MYO7B: variants seen among roughly 807,000 people sequenced by gnomAD.
The protein encoded by MYO7B is unconventional myosin-VIIb.
MYO7B carries 212 observed loss-of-function variants against 259.7 expected under a neutral mutation model. The observed-to-expected ratio is 0.82, with a 90% CI of 0.73 to 0.91. The LOEUF is 0.91. Among genes scored for constraint, MYO7B ranks in the 40% least tolerant of loss-of-function variants. The probability of loss-of-function intolerance (pLI) is 0.00; values close to 1 mark genes in which losing one functional copy is unlikely to be tolerated. For synonymous variants in MYO7B, 1,197 were observed against 1,166.4 expected (o/e 1.03, Z -0.54); for missense variants, 2,732 against 2,813.5 (o/e 0.97, Z 0.66).
chr2:127,587,233 C>G (rs1679337873), intron 14 of MYO7B, among the ~76,000 whole-genome samples: 1 of 152,192 alleles, frequency 6.6e-6, no homozygotes, highest in South Asian at 2.1e-4. Context: ...ATCTTCAGTG[C>G]CTTCTCAGTG....
chr2:127,570,028 T>C, intron 6 of MYO7B, 118 bp downstream of exon 6: 2 of 1,271,912 alleles, frequency 1.6e-6, no homozygotes, highest in Admixed American at 2.9e-5. Flanking sequence ...CTCCAGACCC[T>C]TGGGACACAA....
At chr2:127,587,826 C>T (rs967315723) in intron 14 of MYO7B, among the ~76,000 whole-genome samples, 2 of 152,026 alleles carry the variant, frequency 1.3e-5, no homozygotes, top group African/African-American at 2.4e-5. Flanking sequence ...CTCAGCCTCC[C>T]AAAGTGCTGG....
At chr2:127,561,081 G>T (rs571176800) in intron 2 of MYO7B, among the ~76,000 whole-genome samples, 1 of 152,240 alleles carries the variant, frequency 6.6e-6, no homozygotes, top group East Asian at 1.9e-4. Context: ...GCATGATGTG[G>T]TTTTAAGACA....
intron 2 of MYO7B, among the ~76,000 whole-genome samples, chr2:127,562,495 T>G (rs552348435): frequency 7.8e-5 from 11 of 141,276 alleles, no homozygotes; most frequent in East Asian, 4.1e-4. Flanking sequence ...TTTTTTTTTT[T>G]TTTTTTTTTT....
At chr2:127,563,814 T>C (rs776832586) in intron 2 of MYO7B, among the ~76,000 whole-genome samples, 4 of 152,204 alleles carry the variant, frequency 2.6e-5, no homozygotes, top group Non-Finnish European at 5.9e-5. Flanking sequence ...TGAGAAGCAC[T>C]TTCTCTCTTA....
At chr2:127,538,562 G>A (rs1408662763) in intron 1 of MYO7B, among the ~76,000 whole-genome samples, 3 of 151,492 alleles carry the variant, frequency 2.0e-5, no homozygotes, top group African/African-American at 4.9e-5. Flanking sequence ...TTCAAATCTT[G>A]TTTCTTTCTT....
chr2:127,553,947 G>T (rs1693546044), intron 1 of MYO7B, among the ~76,000 whole-genome samples: 1 of 152,134 alleles, frequency 6.6e-6, no homozygotes, highest in Admixed American at 6.5e-5. Context: ...TGCCGATTTT[G>T]CTAAGGGTTT....
At chr2:127,569,701 A>G (rs1364622422) in intron 5 of MYO7B, 88 bp from the exon 6 acceptor site, 13 of 1,486,238 alleles carry the variant, frequency 8.7e-6, no homozygotes, top group Non-Finnish European at 1.2e-5. Context: ...TGGCTCAGAA[A>G]GCAGGACTGG....
At position 127,635,799 on chromosome 2, in the gene MYO7B, G is replaced by A. The variant is rs772533196; in HGVS notation, c.5898G>A (p.Lys1966=). 1 of 1,595,604 alleles carries A rather than the reference G, an allele frequency of 6.3e-7. No individual in the cohort carries two copies. The highest frequency in any genetic ancestry group is 1.7e-5 in the Admixed American group (1 of 57,546). ...DAIHLAGLIY[K]AQFNNDRSQL... is the part of the protein sequence containing the mutation. ...TCCACCTGGCGGGCCTCATCTACAA[G>A]GCCCAGTTCAACAACGACCGGTCCC... The change falls in exon 44 of 48, where the codon AAG becomes AAA. Residue 1966 remains lysine, a synonymous_variant. Transcript: ENST00000409816.
At chr2:127,573,799 C>T (rs1678744823) in intron 6 of MYO7B, 121 bp from the exon 7 acceptor site, 24 of 1,305,110 alleles carry the variant, frequency 1.8e-5, no homozygotes, top group East Asian at 4.8e-5. Flanking sequence ...CTGGTGCAGC[C>T]GTGCCCATTC....
chr2:127,624,111 G>A lies in MYO7B; in HGVS notation c.3838G>A (p.Gly1280Arg), dbSNP rs769249496. 2.2e-5 allele frequency: 35 copies of A among 1,574,782 alleles called. No individual in the cohort carries two copies. The East Asian group carries it at 3.5e-4, about 16-fold the overall frequency. ...VYDKFWSLGSGRDHMMDAIAR... is the reference protein window; with the variant it reads ...VYDKFWSLGSRRDHMMDAIAR... ...GCCTCAGTTCTGGTCCCTGGGCAGC[G>A]GGCGCGACCACATGATGGATGCCAT... Residue 1280 changes from glycine to arginine, a missense_variant, in exon 30 of 48, where the codon GGG becomes AGG. Physicochemically the swap from Gly to Arg is moderately radical, Grantham distance 125. This residue lies in a region of MYO7B where 1,906 missense variants were observed against 2,026.4 expected (regional missense o/e 0.94). Coordinates refer to ENST00000409816, the MANE Select transcript of MYO7B (RefSeq NM_001393586.1).
In MYO7B at chr2:127,582,383, A is replaced by G. The variant is rs753909052; in HGVS notation, c.1280A>G (p.Lys427Arg). 2 of 1,613,534 alleles carry G rather than the reference A, an allele frequency of 1.2e-6. No homozygotes were observed. The highest frequency in any genetic ancestry group is 2.2e-5 in the East Asian group (1 of 44,876). Residue 427 changes from lysine (K) to arginine (R), a missense_variant, in exon 12 of 48, where the codon AAA becomes AGA. Physicochemically the swap from Lys to Arg is conservative, Grantham distance 26. Coordinates refer to ENST00000409816, the MANE Select transcript of MYO7B (RefSeq NM_001393586.1). ...TTCACACCACCAGCCCAGGACCCCAAAAATGTGCGGAGGGCCATCGGCCTC... is the reference window on the plus strand; with the variant it reads ...TTCACACCACCAGCCCAGGACCCCAGAAATGTGCGGAGGGCCATCGGCCTC... ...AIFTPPAQDP[K>R]NVRRAIGLLD...
rs564837084 is a variant in MYO7B, at chr2:127,604,184, C to T, written c.2340-1660C>T. ...GAGTGTAGCCACATTTATCAATGAC[C>T]TTAGCTAGATCTTCTGGATAACTCG... On this transcript the variant is annotated intron_variant, in intron 19 of 47. Coordinates refer to ENST00000409816, the MANE Select transcript of MYO7B (RefSeq NM_001393586.1). Among the ~76,000 whole-genome samples, 8 of 152,328 alleles carry T rather than the reference C, an allele frequency of 5.3e-5. No individual in the cohort carries two copies. In the East Asian group the frequency reaches 1.5e-3, roughly 29 times the overall value.
chr2:127,560,881 G>A (rs1678057767), intron 2 of MYO7B, among the ~76,000 whole-genome samples: 1 of 152,182 alleles, frequency 6.6e-6, no homozygotes, highest in African/African-American at 2.4e-5. Context: ...AGCGGCCCCT[G>A]GTGCTGCCAC....
rs1392262194 is a variant in MYO7B at position 127,585,426 on chromosome 2, C to A, written c.1690+513C>A. ...TGTAGTACGTGTCAGTGCTCCATGT[C>A]TTTTTATTGCAGAAAAACATTCCAT... On this transcript the variant is annotated intron_variant, in intron 14 of 47. Coordinates refer to ENST00000409816, the MANE Select transcript of MYO7B (RefSeq NM_001393586.1). The surrounding 1 kb of genome is among the most constrained non-coding windows in gnomAD (Gnocchi z 4.3). Among the ~76,000 whole-genome samples, 1 of 152,162 alleles carries A rather than the reference C, an allele frequency of 6.6e-6. No individual in the cohort carries two copies. Among genetic ancestry groups the A allele is most frequent in the Non-Finnish European group, 1.5e-5 (1 of 68,038 alleles).
At position 127,615,673 on chromosome 2, in the gene MYO7B, T is replaced by A. The variant is rs1680542711; in HGVS notation, c.3398+3070T>A. On this transcript the variant is annotated intron_variant, in intron 26 of 47. Transcript: ENST00000409816. The surrounding 1 kb of genome is among the most constrained non-coding windows in gnomAD (Gnocchi z 4.4). ...TGGGCGGTAGACGCGGTTTGTCAGT[T>A]GGCCAACATTCTGCTTTTATGAGAA... Among the ~76,000 whole-genome samples the A allele has an allele frequency of 6.6e-6, 1 of 152,022 alleles. No individual in the cohort carries two copies.
chr2:127,572,822 C>T (rs1454857840), intron 6 of MYO7B, among the ~76,000 whole-genome samples: 1 of 152,082 alleles, frequency 6.6e-6, no homozygotes, highest in Non-Finnish European at 1.5e-5. Context: ...GGAAGCGGTG[C>T]AATCAGATAG....
chr2:127,565,914 C>T (rs1012925957), intron 4 of MYO7B, among the ~76,000 whole-genome samples: 2 of 152,276 alleles, frequency 1.3e-5, no homozygotes, highest in Admixed American at 1.3e-4. Flanking sequence ...AAAACCGACA[C>T]CAGTTCGGCC....
intron 1 of MYO7B, among the ~76,000 whole-genome samples, chr2:127,542,204 G>C (rs1693032882): frequency 6.6e-6 from 1 of 152,222 alleles, no homozygotes. Flanking sequence ...CTGTCCTGTG[G>C]GTGTTAGACT....
Sources: allele counts gnomAD v4.1 joint callset (sites outside exome capture counted in the v4.1 genomes callset), GRCh38; gene constraint gnomAD v4.1.1; regional missense constraint gnomAD v4.1.1; non-coding constraint Gnocchi (gnomAD v3.1); transcripts MANE v1.5; gene names NCBI Gene and HGNC (gene_info 2026-07-23, HGNC 2026-07-21).